Variants in REEP1 observed in about 807,000 individuals in gnomAD.
The protein encoded by REEP1 is receptor accessory protein 1, also known as receptor expression-enhancing protein 1.
A neutral mutation model predicts 40.3 loss-of-function variants in REEP1; 22 were observed. The observed-to-expected ratio is 0.55, with a 90% CI of 0.39 to 0.78. The LOEUF (loss-of-function observed/expected upper bound fraction) is 0.78, where lower values mean the gene tolerates loss of function less well. Ranked by LOEUF, REEP1 falls within the 30% of genes least tolerant of loss-of-function variation. The pLI is 0.00. For synonymous variants in REEP1, 116 were observed against 139.2 expected (o/e 0.83, Z 1.17); for missense variants, 280 against 361.1 (o/e 0.78, Z 1.82).
intron 1 of REEP1, among the ~76,000 whole-genome samples, chr2:86,301,220 C>T (rs1679244018): frequency 6.6e-6 from 1 of 152,208 alleles, no homozygotes; most frequent in Admixed American, 6.5e-5. Context: ...CAGAGCTGAT[C>T]ACAGCACCAG....
chr2:86,298,611 T>G (rs1679107753), intron 1 of REEP1, among the ~76,000 whole-genome samples: 1 of 152,210 alleles, frequency 6.6e-6, no homozygotes, highest in Non-Finnish European at 1.5e-5. Context: ...CTGGGCTGTT[T>G]CTACCGTGTG....
intron 1 of REEP1, among the ~76,000 whole-genome samples, chr2:86,282,647 T>G (rs1308572246): frequency 6.6e-6 from 1 of 152,066 alleles, no homozygotes; most frequent in African/African-American, 2.4e-5. Context: ...CCCCTCAAAT[T>G]TCACTCCCCT....
chr2:86,309,414 G>A (rs1266011470), intron 1 of REEP1, among the ~76,000 whole-genome samples: 5 of 152,298 alleles, frequency 3.3e-5, no homozygotes, highest in South Asian at 2.1e-4. Flanking sequence ...CACAACACAC[G>A]TGCTCTTCAT....
chr2:86,244,005 T>A (rs1675803545), intron 5 of REEP1, among the ~76,000 whole-genome samples: 1 of 152,166 alleles, frequency 6.6e-6, no homozygotes, highest in Non-Finnish European at 1.5e-5. Flanking sequence ...ACAGCAGTCA[T>A]CTCTTCTCCG....
chr2:86,283,388 TG>T (rs1678204662), intron 1 of REEP1, among the ~76,000 whole-genome samples: 1 of 152,192 alleles, frequency 6.6e-6, no homozygotes, highest in Admixed American at 6.5e-5. Context: ...GGAGTGGGCC[TG>T]GCCCAGGTAC....
At chr2:86,238,720 C>A (rs985124424) in intron 5 of REEP1, among the ~76,000 whole-genome samples, 2 of 152,176 alleles carry the variant, frequency 1.3e-5, no homozygotes, top group African/African-American at 4.8e-5. Flanking sequence ...AGGCACACAT[C>A]AGAGAGGCAA....
At chr2:86,315,446 T>A (rs912542019) in intron 1 of REEP1, among the ~76,000 whole-genome samples, 9 of 152,244 alleles carry the variant, frequency 5.9e-5, no homozygotes, top group Non-Finnish European at 1.2e-4. Flanking sequence ...CCTGTACGAC[T>A]GCTGCATTAA....
intron 2 of REEP1, among the ~76,000 whole-genome samples, 192 bp downstream of exon 2, chr2:86,281,978 A>G (rs375709078): frequency 2.0e-5 from 3 of 152,094 alleles, no homozygotes; most frequent in South Asian, 2.1e-4. Flanking sequence ...TCTCACCTCA[A>G]CGCTCTAGGT....
Position 86,334,627 on chromosome 2 carries a change from A to G in REEP1, c.32+2852T>C, listed in dbSNP as rs148608440. Among the ~76,000 whole-genome samples, 498 of 152,338 alleles carry G rather than the reference A, an allele frequency of 3.3e-3. 5 individuals carry two copies. Among genetic ancestry groups the G allele is most frequent in the Admixed American group, 8.5e-3 (130 of 15,306 alleles). ...TGTTTTTATTAGCAGTAAAACACAT[A>G]TATTTTTCTGAATTGTATTTTATCT... On this transcript the variant is annotated intron_variant, in intron 1 of 8. Coordinates refer to ENST00000538924, the MANE Select transcript of REEP1 (RefSeq NM_001371279.1).
chr2:86,245,531 C>A (rs1675890871), intron 5 of REEP1, among the ~76,000 whole-genome samples: 1 of 152,190 alleles, frequency 6.6e-6, no homozygotes, highest in Admixed American at 6.5e-5. Context: ...CTATGACGCA[C>A]TGCCTCCTTT....
intron 5 of REEP1, among the ~76,000 whole-genome samples, chr2:86,245,795 C>T (rs1675908547): frequency 6.7e-6 from 1 of 148,916 alleles, no homozygotes; most frequent in Admixed American, 6.7e-5. Context: ...GACAGAGTCT[C>T]ACTCCGTCTC....
chr2:86,328,088 AGATCCTGCTG>A (rs1157825578), intron 1 of REEP1, among the ~76,000 whole-genome samples: 1 of 152,156 alleles, frequency 6.6e-6, no homozygotes, highest in Non-Finnish European at 1.5e-5. Context: ...AAGTGTGCAC[AGATCCTGCTG>A]GATCCTGCAA....
At chr2:86,235,695 CA>C (rs1675282527) in intron 5 of REEP1, among the ~76,000 whole-genome samples, 3 of 152,210 alleles carry the variant, frequency 2.0e-5, no homozygotes, top group Non-Finnish European at 4.4e-5. Flanking sequence ...AAAGCAACAG[CA>C]GGCATCGTAC....
intron 1 of REEP1, among the ~76,000 whole-genome samples, chr2:86,295,471 T>C (rs754619059): frequency 6.6e-6 from 1 of 152,250 alleles, no homozygotes; most frequent in Non-Finnish European, 1.5e-5. Context: ...CTAAAAAGTA[T>C]GGTGGAATAC....
chr2:86,325,796 G>T (rs6547674), intron 1 of REEP1, among the ~76,000 whole-genome samples: 102,679 of 152,126 alleles, frequency 0.67, 36,428 homozygotes, highest in East Asian at 0.91. Context: ...TGCAAGAGAA[G>T]AAACCTCTGT....
chr2:86,277,210 G>C (rs1477746782), intron 2 of REEP1, among the ~76,000 whole-genome samples: 1 of 152,152 alleles, frequency 6.6e-6, no homozygotes, highest in Non-Finnish European at 1.5e-5. Flanking sequence ...AGAGCAGATG[G>C]AAGTCAAACA....
At chr2:86,294,777 A>G (rs1402708236) in intron 1 of REEP1, among the ~76,000 whole-genome samples, 1 of 150,994 alleles carries the variant, frequency 6.6e-6, no homozygotes. Context: ...ATAGGTTTCT[A>G]ACTTGTTCCA....
Position 86,316,245 on chromosome 2 carries a change from A to G in REEP1, c.32+21234T>C, listed in dbSNP as rs373069450. Among the ~76,000 whole-genome samples the G allele has an allele frequency of 3.9e-5, 6 of 152,286 alleles. No individual in the cohort carries two copies. The East Asian group carries it at 9.6e-4, about 24-fold the overall frequency. On this transcript the variant is annotated intron_variant, in intron 1 of 8. Transcript: ENST00000538924. The stretch of plus-strand genomic sequence containing the variant: ...ACTGATATACCTGCAAACCTAAAAA[A>G]TAATCTAAAGGGGCCAGGTGCGGTG...
At chr2:86,238,936 T>C (rs1381207921) in intron 5 of REEP1, among the ~76,000 whole-genome samples, 1 of 152,130 alleles carries the variant, frequency 6.6e-6, no homozygotes, top group Non-Finnish European at 1.5e-5. Context: ...TGGCCAGGGA[T>C]GTATCTGAAT....
Sources: allele counts gnomAD v4.1 joint callset (sites outside exome capture counted in the v4.1 genomes callset), GRCh38; gene constraint gnomAD v4.1.1; transcripts MANE v1.5; gene names NCBI Gene and HGNC (gene_info 2026-07-23, HGNC 2026-07-21).